TTLL13: variants seen among roughly 807,000 people sequenced by gnomAD.
TTLL13 encodes the protein tubulin tyrosine ligase like 13, also known as tubulin polyglutamylase TTLL13.
chr15:90,252,585 C>T, the TTLL13 span, among the ~76,000 whole-genome samples: 11 of 152,174 alleles, frequency 7.2e-5, no homozygotes, highest in Admixed American at 7.2e-4. Context: ...CAGCTAGGTC[C>T]TTCCCCTAAT....
At chr15:90,251,238 C>T in the TTLL13 span, among the ~76,000 whole-genome samples, 6 of 149,300 alleles carry the variant, frequency 4.0e-5, no homozygotes, top group Admixed American at 1.4e-4. Context: ...CTCAGCCTCC[C>T]GAGTAGCTGG....
At chr15:90,264,281 C>T in the TTLL13 span, among the ~76,000 whole-genome samples, 1 of 152,146 alleles carries the variant, frequency 6.6e-6, no homozygotes, top group Admixed American at 6.5e-5. Flanking sequence ...AAACTCCACT[C>T]ACGGGCTCAA....
the TTLL13 span, chr15:90,251,687 C>CA: frequency 2.8e-5 from 41 of 1,454,506 alleles, no homozygotes; most frequent in Admixed American, 6.9e-4. Flanking sequence ...ATCAGGCTTC[C>CA]AGCCCCTGGG....
chr15:90,262,529 CAGG>C, the TTLL13 span: 1 of 1,525,206 alleles, frequency 6.6e-7, no homozygotes, highest in South Asian at 1.2e-5. Context: ...GCAGGAACAG[CAGG>C]AGACCTCGGG....
the TTLL13 span, chr15:90,256,063 T>C: frequency 6.4e-6 from 10 of 1,573,524 alleles, no homozygotes; most frequent in South Asian, 2.3e-5. Flanking sequence ...ATGGACTAGA[T>C]AGCAGGAAGA....
the TTLL13 span, chr15:90,264,021 G>C: frequency 3.2e-5 from 49 of 1,535,878 alleles, no homozygotes; most frequent in Non-Finnish European, 7.0e-6. Context: ...AGGCTGGGAG[G>C]TGCTATTTTT....
At chr15:90,250,876 G>A in the TTLL13 span, 2 of 1,613,762 alleles carry the variant, frequency 1.2e-6, no homozygotes, top group Non-Finnish European at 1.7e-6. Context: ...GGAAGAGAAG[G>A]CGGAAACGCA....
At chr15:90,257,866 G>T in the TTLL13 span, 1 of 949,944 alleles carries the variant, frequency 1.1e-6, no homozygotes, top group Non-Finnish European at 1.6e-6. Flanking sequence ...CTGCACTTTG[G>T]AGCTCTAAGT....
chr15:90,250,629 G>A, the TTLL13 span: 1 of 1,612,230 alleles, frequency 6.2e-7, no homozygotes, highest in East Asian at 2.2e-5. Context: ...GAATCTGAGA[G>A]AATGGAGCCG....
chr15:90,262,908 G>T, the TTLL13 span: 323,757 of 1,491,896 alleles, frequency 0.22, 35,819 homozygotes, highest in Non-Finnish European at 0.23. Context: ...GCCATCCTGG[G>T]TGATGGTTTG....
At chr15:90,258,717 G>T in the TTLL13 span, 1 of 1,599,674 alleles carries the variant, frequency 6.3e-7, no homozygotes, top group South Asian at 1.1e-5. Flanking sequence ...TCTGGGAAAG[G>T]GGTGTATAAT....
the TTLL13 span, chr15:90,265,141 A>G: frequency 8.1e-7 from 1 of 1,233,740 alleles, no homozygotes; most frequent in East Asian, 2.6e-5. Context: ...CAATACCCTA[A>G]GATTAATTGG....
At chr15:90,265,165 C>G in the TTLL13 span, 1 of 1,267,510 alleles carries the variant, frequency 7.9e-7, no homozygotes, top group Non-Finnish European at 1.0e-6. Flanking sequence ...TCGGTAAAGA[C>G]TAGAAGATGA....
chr15:90,253,424 C>A, the TTLL13 span: 2 of 1,349,646 alleles, frequency 1.5e-6, no homozygotes, highest in Non-Finnish European at 2.1e-6. Context: ...ATGACTATTC[C>A]CACCTCCTTG....
the TTLL13 span, among the ~76,000 whole-genome samples, chr15:90,250,292 T>C: frequency 6.6e-6 from 1 of 152,114 alleles, no homozygotes; most frequent in Non-Finnish European, 1.5e-5. Context: ...TCTTTCCCAA[T>C]TAGGAACAAA....
chr15:90,263,800 C>T, the TTLL13 span: 8 of 707,204 alleles, frequency 1.1e-5, no homozygotes, highest in African/African-American at 1.0e-4. Context: ...TCTGGTCCTA[C>T]TGGTGCTCCT....
the TTLL13 span, among the ~76,000 whole-genome samples, chr15:90,261,058 G>A: frequency 2.0e-5 from 3 of 150,704 alleles, no homozygotes; most frequent in Middle Eastern, 3.2e-3. Flanking sequence ...TGTAATGAAC[G>A]TATATTACCT....
chr15:90,262,652 C>T, the TTLL13 span: 43 of 1,494,388 alleles, frequency 2.9e-5, no homozygotes, highest in African/African-American at 3.7e-4. Context: ...TTACAGGAAC[C>T]GCAACTGGGA....
chr15:90,262,035 C>T, the TTLL13 span: 8 of 1,535,108 alleles, frequency 5.2e-6, no homozygotes, highest in African/African-American at 5.5e-5. Context: ...TCCCATGTGG[C>T]AATGCTGGAC....
Sources: gnomAD v4.1 joint callset for allele counts (sites outside exome capture counted in the v4.1 genomes callset) on GRCh38, gnomAD v4.1.1 for gene constraint, MANE v1.5 for transcripts, NCBI Gene and HGNC (gene_info 2026-07-23, HGNC 2026-07-21) for gene names.